Variants in TMEM255A observed in about 807,000 individuals in gnomAD.
TMEM255A encodes the protein family with sequence similarity 70, member A.
A neutral mutation model predicts 23.5 loss-of-function variants in TMEM255A; 14 were observed. The observed-to-expected ratio is 0.60, with a 90% CI of 0.39 to 0.93. The LOEUF (loss-of-function observed/expected upper bound fraction) is 0.93, where lower values mean the gene tolerates loss of function less well. TMEM255A is among the 40% of genes least tolerant of loss of function. The pLI, the probability that TMEM255A is intolerant of heterozygous loss-of-function variation, is 0.00. For synonymous variants in TMEM255A, 104 were observed against 100.3 expected (o/e 1.04, Z -0.22); for missense variants, 233 against 261.7 (o/e 0.89, Z 0.76).
At chrX:120,285,304 G>A (rs1556021575) in intron 5 of TMEM255A, 89 bp from the exon 6 acceptor site, 3 of 813,724 alleles carry the variant, frequency 3.7e-6, no homozygotes, top group Non-Finnish European at 3.7e-6. Flanking sequence ...GTGACTGATG[G>A]AGACAGTAAG....
chrX:120,302,739 GC>G (rs1451438114), intron 2 of TMEM255A, among the ~76,000 whole-genome samples: 1 of 111,016 alleles, frequency 9.0e-6, no homozygotes, highest in Non-Finnish European at 1.9e-5. Context: ...ATAGCCTGCA[GC>G]CCACTTTAGG....
chrX:120,254,324 C>G, downstream of TMEM255A: 1 of 1,211,912 alleles, frequency 8.3e-7, no homozygotes, highest in South Asian at 1.8e-5. Flanking sequence ...ATCATATGCC[C>G]TCTTCAATCA....
At chrX:120,277,482 A>C (rs1171325596) in intron 6 of TMEM255A, among the ~76,000 whole-genome samples, 1 of 112,856 alleles carries the variant, frequency 8.9e-6, no homozygotes, top group Non-Finnish European at 1.9e-5. Context: ...GCCACATTTC[A>C]AGTGCTCAAT....
chrX:120,267,341 G>T (rs1603400143), intron 8 of TMEM255A, among the ~76,000 whole-genome samples: 1 of 112,086 alleles, frequency 8.9e-6, no homozygotes, highest in South Asian at 3.7e-4. Flanking sequence ...CCAGATAGTT[G>T]TACTTTTATG....
At chrX:120,270,661 G>A (rs2057752734) in intron 7 of TMEM255A, among the ~76,000 whole-genome samples, 1 of 111,430 alleles carries the variant, frequency 9.0e-6, no homozygotes, top group South Asian at 3.8e-4. Context: ...TTTTCACCAA[G>A]CACCTCTTGT....
chrX:120,273,434 T>A (rs2057775427), intron 7 of TMEM255A: 1 of 231,736 alleles, frequency 4.3e-6, no homozygotes, highest in Non-Finnish European at 8.2e-6. Context: ...TGCCTTAGAA[T>A]CCAGAGTGGT....
chrX:120,282,499 AG>A (rs2057844076), intron 6 of TMEM255A, among the ~76,000 whole-genome samples: 1 of 111,761 alleles, frequency 8.9e-6, no homozygotes. Flanking sequence ...CCCAGTGAAA[AG>A]GGAGTTCTTC....
intron 2 of TMEM255A, among the ~76,000 whole-genome samples, chrX:120,298,102 GAA>G (rs368014756): frequency 7.8e-5 from 8 of 102,072 alleles, no homozygotes; most frequent in African/African-American, 2.5e-4. Context: ...TCCACTTGTG[GAA>G]AAAAAAAAAA....
chrX:120,255,395 C>T (rs2057631995), downstream of TMEM255A: 1 of 1,208,710 alleles, frequency 8.3e-7, no homozygotes. Context: ...TAACAGATGG[C>T]AGTACTGAGT....
At chrX:120,278,961 T>C (rs1056305731) in intron 6 of TMEM255A, among the ~76,000 whole-genome samples, 1 of 111,581 alleles carries the variant, frequency 9.0e-6, no homozygotes, top group Non-Finnish European at 1.9e-5. Flanking sequence ...TCTCTGCGTG[T>C]ATCTGTGCAT....
intron 6 of TMEM255A, 151 bp from the exon 7 acceptor site, chrX:120,277,198 G>T: frequency 2.3e-6 from 1 of 425,857 alleles, no homozygotes; most frequent in Non-Finnish European, 3.9e-6. Context: ...TCATAGCCAT[G>T]TACTATAATA....
Position 120,294,022 on chromosome X carries a change from A to G in TMEM255A, c.231T>C (p.Ile77=), listed in dbSNP as rs1369615528. The change falls in exon 3 of 9, where the codon ATT becomes ATC. Residue 77 remains isoleucine (I), a synonymous_variant. Coordinates refer to ENST00000371369, the MANE Select transcript of TMEM255A (RefSeq NM_001104544.3). ...TTTTGTTCTCAATAAGGTTTGATCC[A>G]ATGATTCCAAGGAACGATCCAAAGC... The part of the protein sequence containing the change: ...ILGFGSFLGI[I]GSNLIENKRQ... 1 of 1,193,910 alleles carries G rather than the reference A, an allele frequency of 8.4e-7. No homozygotes were observed. The highest frequency in any genetic ancestry group is 1.8e-5 in the African/African-American group (1 of 56,855).
At chrX:120,281,411 G>A (rs1323771567) in intron 6 of TMEM255A, among the ~76,000 whole-genome samples, 2 of 111,941 alleles carry the variant, frequency 1.8e-5, no homozygotes, top group Non-Finnish European at 3.8e-5. Context: ...CTTAGATAAG[G>A]CAGGAGGGCA....
chrX:120,276,828 C>T (rs2057801779), intron 7 of TMEM255A, 57 bp downstream of exon 7: 1 of 1,137,709 alleles, frequency 8.8e-7, no homozygotes, highest in Non-Finnish European at 1.2e-6. Context: ...ACTGCCTAGC[C>T]TTCCCCCTAT....
chrX:120,275,504 C>T (rs2057790665), intron 7 of TMEM255A, among the ~76,000 whole-genome samples: 5 of 111,287 alleles, frequency 4.5e-5, no homozygotes, highest in East Asian at 2.8e-4. Flanking sequence ...TACAAACTGC[C>T]TTTCAGGTTC....
chrX:120,294,170 C>T, intron 2 of TMEM255A, 119 bp from the exon 3 acceptor site: 3 of 427,553 alleles, frequency 7.0e-6, no homozygotes, highest in East Asian at 6.4e-5. Context: ...CGCGGTGGCT[C>T]ACGCCTGTAA....
chrX:120,261,644 G>A lies in TMEM255A; in HGVS notation c.820-616C>T, dbSNP rs1603399498. On this transcript the variant is annotated intron_variant, in intron 8 of 8. Transcript: ENST00000371369. ...ATCCCCAAGTGCAGAGTAGGTTGGAGAGCAAAGAGTAACAAAGGCATGGAG... is the reference window on the plus strand; with the variant it reads ...ATCCCCAAGTGCAGAGTAGGTTGGAAAGCAAAGAGTAACAAAGGCATGGAG... Among the ~76,000 whole-genome samples the A allele has an allele frequency of 3.6e-5, 4 of 112,162 alleles. No individual in the cohort carries two copies. In the South Asian group the frequency reaches 1.5e-3, roughly 42 times the overall value.
intron 7 of TMEM255A, among the ~76,000 whole-genome samples, chrX:120,276,622 G>T (rs2057800332): frequency 9.0e-6 from 1 of 111,486 alleles, no homozygotes; most frequent in African/African-American, 3.3e-5. Context: ...GGGGAACTGA[G>T]AACACCCCTT....
chrX:120,251,734 C>T, the TMEM255A span, among the ~76,000 whole-genome samples: 1 of 112,299 alleles, frequency 8.9e-6, no homozygotes, highest in African/African-American at 3.2e-5. Flanking sequence ...AATGGCTTTT[C>T]CACAGTCGAA....
Sources: allele counts gnomAD v4.1 joint callset (sites outside exome capture counted in the v4.1 genomes callset), GRCh38; gene constraint gnomAD v4.1.1; transcripts MANE v1.5; gene names NCBI Gene and HGNC (gene_info 2026-07-23, HGNC 2026-07-21).